The following SYT9 variants were observed in gnomAD, a reference collection of about 807,000 sequenced individuals.
SYT9 encodes synaptotagmin 9, also known as synaptotagmin-9.
SYT9 carries 22 observed loss-of-function variants against 48.4 expected under a neutral mutation model. The observed-to-expected ratio is 0.45, with a 90% CI of 0.32 to 0.65. The LOEUF (loss-of-function observed/expected upper bound fraction) is 0.65, where lower values mean the gene tolerates loss of function less well. Among genes scored for constraint, SYT9 ranks in the 30% least tolerant of loss-of-function variants. SYT9 has a pLI of 0.03. For synonymous variants in SYT9, 265 were observed against 245.0 expected (o/e 1.08, Z -0.76); for missense variants, 577 against 622.0 (o/e 0.93, Z 0.77).
intron 3 of SYT9, among the ~76,000 whole-genome samples, chr11:7,388,812 T>C (rs1278042653): frequency 2.6e-5 from 4 of 152,204 alleles, no homozygotes; most frequent in African/African-American, 4.8e-5. Context: ...AATTGCGTTA[T>C]GATCATTCCT....
At chr11:7,325,393 T>C (rs555679786) in intron 3 of SYT9, among the ~76,000 whole-genome samples, 22 of 138,136 alleles carry the variant, frequency 1.6e-4, no homozygotes, top group Non-Finnish European at 2.8e-4. Flanking sequence ...GGGAGTTCAC[T>C]CATGATTTGG....
chr11:7,251,113 C>CAT (rs919366775), upstream of SYT9, among the ~76,000 whole-genome samples: 16 of 149,776 alleles, frequency 1.1e-4, no homozygotes, highest in Middle Eastern at 3.5e-3. Context: ...CACACACACA[C>CAT]ACACACACAC....
At chr11:7,448,896 A>G (rs1164766386) in intron 6 of SYT9, among the ~76,000 whole-genome samples, 1 of 152,156 alleles carries the variant, frequency 6.6e-6, no homozygotes, top group Non-Finnish European at 1.5e-5. Flanking sequence ...GGGGTGGGGC[A>G]GATTCAGGGC....
At chr11:7,330,471 TA>T (rs945236815) in intron 3 of SYT9, among the ~76,000 whole-genome samples, 2 of 151,938 alleles carry the variant, frequency 1.3e-5, no homozygotes, top group African/African-American at 4.8e-5. Flanking sequence ...CAAAGATAAA[TA>T]AAAATTTAAA....
At chr11:7,314,879 A>T (rs971811399) in intron 3 of SYT9, among the ~76,000 whole-genome samples, 5 of 152,158 alleles carry the variant, frequency 3.3e-5, no homozygotes, top group African/African-American at 1.2e-4. Flanking sequence ...GTCTTTATTC[A>T]GCTCAGACAC....
In SYT9 at chr11:7,252,446, C is replaced by G; in HGVS notation, c.145+115C>G. ...GGACTGGGAGAGGGCGGGGGGCGGC[C>G]ACCGAGCCAGGAGAGTGATCAAGAA... is the stretch of plus-strand genomic sequence containing the variant. On this transcript the variant is annotated intron_variant, in intron 1 of 6. Coordinates refer to ENST00000318881, the MANE Select transcript of SYT9 (RefSeq NM_175733.4). The surrounding 1 kb of genome is among the most constrained non-coding windows in gnomAD (Gnocchi z 6.3). The G allele has an allele frequency of 8.5e-7, 1 of 1,181,004 alleles. No homozygotes were observed. Among genetic ancestry groups the G allele is most frequent in the Non-Finnish European group, 1.1e-6 (1 of 911,860 alleles). The allele number at this position is 1,181,004 out of a possible 1,614,324, so 73.2% of individuals were successfully genotyped here. A position where few individuals can be genotyped will look rare whatever the true frequency, so the allele number is the denominator to read the frequency against.
intron 5 of SYT9, among the ~76,000 whole-genome samples, chr11:7,418,452 C>T (rs536918904): frequency 8.5e-5 from 13 of 152,322 alleles, no homozygotes; most frequent in African/African-American, 3.1e-4. Flanking sequence ...GAGCTGTGGC[C>T]CCACAGGTTT....
chr11:7,255,757 T>A (rs1231215662), intron 1 of SYT9, among the ~76,000 whole-genome samples: 1 of 152,056 alleles, frequency 6.6e-6, no homozygotes, highest in Non-Finnish European at 1.5e-5. Flanking sequence ...AATCATGAGG[T>A]TTATTTTTTA....
chr11:7,370,537 C>A (rs1850343215), intron 3 of SYT9, among the ~76,000 whole-genome samples: 1 of 151,998 alleles, frequency 6.6e-6, no homozygotes, highest in South Asian at 2.1e-4. Flanking sequence ...ATTCGGTGAG[C>A]ATACTAAAAT....
intron 6 of SYT9, among the ~76,000 whole-genome samples, chr11:7,449,282 T>G (rs1474024203): frequency 7.6e-6 from 1 of 131,846 alleles, no homozygotes; most frequent in East Asian, 2.2e-4. Context: ...AGGCAACAGT[T>G]GCAGTGAGCC....
At chr11:7,296,865 C>T (rs928246312) in intron 1 of SYT9, among the ~76,000 whole-genome samples, 1 of 152,124 alleles carries the variant, frequency 6.6e-6, no homozygotes, top group Non-Finnish European at 1.5e-5. Context: ...CACTTAACAT[C>T]AGAGCTGTCT....
chr11:7,342,891 A>G (rs746999237), intron 3 of SYT9, among the ~76,000 whole-genome samples: 7 of 152,098 alleles, frequency 4.6e-5, no homozygotes, highest in African/African-American at 7.2e-5. Flanking sequence ...CCAAATCTCA[A>G]TTCTTTACTT....
intron 2 of SYT9, among the ~76,000 whole-genome samples, chr11:7,307,921 A>G (rs1589931978): frequency 1.3e-5 from 2 of 152,242 alleles, no homozygotes; most frequent in South Asian, 4.1e-4. Context: ...GTATCCACCT[A>G]CCCTTGACAA....
chr11:7,294,626 T>C (rs558066834), intron 1 of SYT9, among the ~76,000 whole-genome samples: 4 of 152,174 alleles, frequency 2.6e-5, no homozygotes, highest in African/African-American at 9.6e-5. Flanking sequence ...CTCCATGAGG[T>C]CCTAAGGCTC....
At chr11:7,442,649 G>A (rs1590033831) in intron 6 of SYT9, among the ~76,000 whole-genome samples, 1 of 152,290 alleles carries the variant, frequency 6.6e-6, no homozygotes, top group Admixed American at 6.5e-5. Flanking sequence ...GTTTTCTCCA[G>A]TCCTGGGGCT....
At chr11:7,390,148 C>A (rs1850735508) in intron 3 of SYT9, among the ~76,000 whole-genome samples, 1 of 152,136 alleles carries the variant, frequency 6.6e-6, no homozygotes, top group Non-Finnish European at 1.5e-5. Context: ...CCCCACCTCC[C>A]AACAGGCCCC....
chr11:7,243,569 G>A (rs896597400), intron 1 of SYT9, among the ~76,000 whole-genome samples: 2 of 152,094 alleles, frequency 1.3e-5, no homozygotes, highest in African/African-American at 4.8e-5. Flanking sequence ...ATCAAGAAAG[G>A]GATTACTAAA....
intron 1 of SYT9, among the ~76,000 whole-genome samples, chr11:7,273,599 G>A (rs12274408): frequency 0.014 from 2,097 of 152,230 alleles, 57 homozygotes; most frequent in African/African-American, 0.048. Flanking sequence ...TGAGTCCCAT[G>A]GCCAGGACAT....
intron 3 of SYT9, among the ~76,000 whole-genome samples, chr11:7,400,477 A>G (rs557911013): frequency 3.9e-4 from 59 of 152,340 alleles, no homozygotes; most frequent in African/African-American, 1.3e-3. Context: ...TAACCAAACA[A>G]TGGTGAAATA....
Sources: gnomAD v4.1 joint callset for allele counts (sites outside exome capture counted in the v4.1 genomes callset) on GRCh38, gnomAD v4.1.1 for gene constraint, Gnocchi (gnomAD v3.1) non-coding constraint, MANE v1.5 for transcripts, NCBI Gene and HGNC (gene_info 2026-07-23, HGNC 2026-07-21) for gene names.